The following TMEM150C variants were observed in gnomAD, a reference collection of about 807,000 sequenced individuals.
TMEM150C encodes the protein transmembrane protein 150C.
A neutral mutation model predicts 29.9 loss-of-function variants in TMEM150C; 10 were observed. The ratio of observed to expected loss-of-function variants is 0.33; its 90% CI spans 0.21 to 0.57. TMEM150C has a LOEUF of 0.57. Ranked by LOEUF, TMEM150C falls within the 20% of genes least tolerant of loss-of-function variation. The pLI, the probability that TMEM150C is intolerant of heterozygous loss-of-function variation, is 0.88. For synonymous variants in TMEM150C, 101 were observed against 112.5 expected (o/e 0.90, Z 0.64); for missense variants, 251 against 303.6 (o/e 0.83, Z 1.29).
At chr4:82,511,858 A>G (rs1467787081) in intron 1 of TMEM150C, among the ~76,000 whole-genome samples, 1 of 152,258 alleles carries the variant, frequency 6.6e-6, no homozygotes. Context: ...TTCTATGCCA[A>G]GATCCTCTTC....
rs1725872639 is a variant in TMEM150C at position 82,560,108 on chromosome 4, T to C, written c.-11+1798A>G. Reference sequence around the variant, plus strand: ...AACAAAGGCTAAATAGAACGCATTATTGTGTTCACGCAAAAAAAAAAATTA... The same window carrying C: ...AACAAAGGCTAAATAGAACGCATTACTGTGTTCACGCAAAAAAAAAAATTA... On this transcript the variant is annotated intron_variant, in intron 1 of 7. Transcript: ENST00000449862. 1.4e-5 allele frequency among the ~76,000 whole-genome samples: 2 copies of C among 142,418 alleles called. 1 individual carries two copies. Among genetic ancestry groups the C allele is most frequent in the South Asian group, 4.4e-4 (2 of 4,566 alleles). 93.4% of individuals were successfully genotyped at this position (142,418 alleles called of 152,430 possible).
intron 1 of TMEM150C, among the ~76,000 whole-genome samples, chr4:82,505,907 G>A (rs1003290769): frequency 3.3e-5 from 5 of 152,046 alleles, no homozygotes; most frequent in Admixed American, 6.5e-5. Context: ...AAAATCTATC[G>A]GAGACACTGG....
chr4:82,520,727 T>A (rs578054520), intron 1 of TMEM150C, among the ~76,000 whole-genome samples: 4 of 152,140 alleles, frequency 2.6e-5, no homozygotes, highest in African/African-American at 9.6e-5. Context: ...TACAAAAAAA[T>A]TAAAAAATTA....
chr4:82,552,812 T>C (rs1467332421), intron 1 of TMEM150C, among the ~76,000 whole-genome samples: 1 of 152,134 alleles, frequency 6.6e-6, no homozygotes, highest in Non-Finnish European at 1.5e-5. Context: ...TGGTGCTGTC[T>C]AAAGTAGCAA....
At chr4:82,530,460 G>T (rs1724805867) in intron 1 of TMEM150C, among the ~76,000 whole-genome samples, 1 of 152,178 alleles carries the variant, frequency 6.6e-6, no homozygotes. Flanking sequence ...GGGAGGCTGA[G>T]GCAGGAGAAT....
At position 82,496,051 on chromosome 4, in the gene TMEM150C, A is replaced by C; in HGVS notation, c.363+17T>G. On this transcript the variant is annotated intron_variant, in intron 6 of 7. Coordinates refer to ENST00000449862, the MANE Select transcript of TMEM150C (RefSeq NM_001080506.3). ...TTACCAGTGTCAGAGGGAGGTGAAAAAGGCCAAATCAAGTACCTGAAAATT... is the reference window on the plus strand; with the variant it reads ...TTACCAGTGTCAGAGGGAGGTGAAACAGGCCAAATCAAGTACCTGAAAATT... The C allele has an allele frequency of 6.2e-7, 1 of 1,613,876 alleles. No individual in the cohort carries two copies. The highest frequency in any genetic ancestry group is 1.1e-5 in the South Asian group (1 of 91,062).
intron 1 of TMEM150C, among the ~76,000 whole-genome samples, chr4:82,514,806 A>C (rs1724239691): frequency 6.6e-6 from 1 of 152,280 alleles, no homozygotes; most frequent in Admixed American, 6.5e-5. Flanking sequence ...CGATGACCGG[A>C]AGACAGGAGC....
In TMEM150C at chr4:82,491,947, T is replaced by G. The variant is rs200659177; in HGVS notation, c.364-1709A>C. On this transcript the variant is annotated intron_variant, in intron 6 of 7. Transcript: ENST00000449862. ...TGTGACTAATTCTTGTTTTTTTTTT[T>G]GGTTTTTTTTTTTGAGACGGAGTGC... Among the ~76,000 whole-genome samples, 95 of 129,978 alleles carry G rather than the reference T, an allele frequency of 7.3e-4. 1 individual carries two copies. In the South Asian group the frequency reaches 0.018, roughly 24 times the overall value. The allele number at this position is 129,978 out of a possible 152,430, so 85.3% of individuals were successfully genotyped here.
chr4:82,516,555 A>C (rs1184937682), intron 1 of TMEM150C, among the ~76,000 whole-genome samples: 1 of 152,224 alleles, frequency 6.6e-6, no homozygotes, highest in Non-Finnish European at 1.5e-5. Context: ...TAAGGGAGTT[A>C]ACATACATAA....
chr4:82,485,292 A>G lies in TMEM150C; in HGVS notation c.*219T>C, dbSNP rs971653654. On this transcript the variant is annotated 3_prime_UTR_variant, in exon 8 of 8. Transcript: ENST00000449862. ...ACAAGCTTCTTGCTCTGTCGTGCATATATTTTCAGTGTAACAGCGTGTATT... is the reference window on the plus strand; with the variant it reads ...ACAAGCTTCTTGCTCTGTCGTGCATGTATTTTCAGTGTAACAGCGTGTATT... The G allele has an allele frequency of 5.5e-6, 3 of 542,830 alleles. No homozygotes were observed. Among genetic ancestry groups the G allele is most frequent in the African/African-American group, 1.9e-5 (1 of 52,572 alleles). The allele number at this position is 542,830 out of a possible 1,614,324, so 33.6% of individuals were successfully genotyped here. A position where few individuals can be genotyped will look rare whatever the true frequency, so the allele number is the denominator to read the frequency against.
At chr4:82,555,657 A>G (rs1437295749) in intron 1 of TMEM150C, among the ~76,000 whole-genome samples, 1 of 152,204 alleles carries the variant, frequency 6.6e-6, no homozygotes, top group Non-Finnish European at 1.5e-5. Flanking sequence ...ACATCTATGT[A>G]TCGCTATCAC....
intron 1 of TMEM150C, among the ~76,000 whole-genome samples, chr4:82,518,976 C>T (rs1021884424): frequency 6.6e-6 from 1 of 152,170 alleles, no homozygotes; most frequent in Admixed American, 6.5e-5. Flanking sequence ...ACTTGTTCCT[C>T]GCCTGGGGTG....
In TMEM150C at chr4:82,485,710, A is replaced by G; in HGVS notation, c.551T>C (p.Leu184Pro). 1 of 1,605,752 alleles carries G rather than the reference A, an allele frequency of 6.2e-7. No homozygotes were observed. The highest frequency in any genetic ancestry group is 8.5e-7 in the Non-Finnish European group (1 of 1,176,468). The part of the protein sequence containing the change: ...ITLCVVLYFI[L>P]MAQSIHMYAA... ...ATACATGTGGATGCTTTGGGCCATG[A>G]GGATGAAGTCTGGGGAGAAGCAGTC... Residue 184 changes from leucine to proline, a missense_variant, in exon 8 of 8, where the codon CTC becomes CCC. Transcript: ENST00000449862.
Position 82,485,715 on chromosome 4 carries a change from G to T in TMEM150C, c.546C>A (p.Phe182Leu). Reference sequence around the variant, plus strand: ...TGTGGATGCTTTGGGCCATGAGGATGAAGTCTGGGGAGAAGCAGTCAAGGA... The same window carrying T: ...TGTGGATGCTTTGGGCCATGAGGATTAAGTCTGGGGAGAAGCAGTCAAGGA... ...ASITLCVVLYFILMAQSIHMY... is the reference protein window; with the variant it reads ...ASITLCVVLYLILMAQSIHMY... The change falls in exon 8 of 8, where the codon TTC (phenylalanine) becomes TTA (leucine). Residue 182 changes from phenylalanine to leucine, a missense_variant. Transcript: ENST00000449862. The T allele has an allele frequency of 6.2e-7, 1 of 1,603,626 alleles. No individual in the cohort carries two copies. Among genetic ancestry groups the T allele is most frequent in the Non-Finnish European group, 8.5e-7 (1 of 1,175,396 alleles).
intron 1 of TMEM150C, among the ~76,000 whole-genome samples, chr4:82,519,203 C>A (rs1724395968): frequency 6.6e-6 from 1 of 152,098 alleles, no homozygotes. Flanking sequence ...TATCATGTCA[C>A]CTTTTGGCCT....
chr4:82,525,624 GA>G (rs772335606), intron 1 of TMEM150C, among the ~76,000 whole-genome samples: 23 of 152,318 alleles, frequency 1.5e-4, no homozygotes, highest in Non-Finnish European at 3.1e-4. Flanking sequence ...CTCTCTGGCA[GA>G]AAAATGCTTA....
intron 7 of TMEM150C, among the ~76,000 whole-genome samples, chr4:82,488,544 C>T (rs533640393): frequency 5.9e-5 from 9 of 152,202 alleles, no homozygotes; most frequent in South Asian, 4.1e-4. Flanking sequence ...CCTTTAGGAA[C>T]CTTGATTCCT....
chr4:82,521,267 C>T (rs1426678105), intron 1 of TMEM150C, among the ~76,000 whole-genome samples: 1 of 152,214 alleles, frequency 6.6e-6, no homozygotes, highest in East Asian at 1.9e-4. Context: ...ATTGCAAGCT[C>T]CACGAGGGTA....
intron 1 of TMEM150C, among the ~76,000 whole-genome samples, chr4:82,549,547 A>G (rs1480697140): frequency 6.6e-6 from 1 of 152,208 alleles, no homozygotes; most frequent in African/African-American, 2.4e-5. Flanking sequence ...ATGTACAGCA[A>G]TGTTAATATA....
Sources: allele counts gnomAD v4.1 joint callset (sites outside exome capture counted in the v4.1 genomes callset), GRCh38; gene constraint gnomAD v4.1.1; transcripts MANE v1.5; gene names NCBI Gene and HGNC (gene_info 2026-07-23, HGNC 2026-07-21).